LRRC4C: variants seen among roughly 807,000 people sequenced by gnomAD.
LRRC4C encodes leucine-rich repeat-containing protein 4C.
LRRC4C carries 5 observed loss-of-function variants against 33.6 expected under a neutral mutation model. That is an observed-to-expected ratio of 0.15 (90% CI 0.08 to 0.31). The LOEUF is 0.31. Among genes scored for constraint, LRRC4C ranks in the 10% least tolerant of loss-of-function variants. The pLI is 1.00. For synonymous variants in LRRC4C, 329 were observed against 302.0 expected (o/e 1.09, Z -0.93); for missense variants, 560 against 796.7 (o/e 0.70, Z 3.58).
intron 3 of LRRC4C, among the ~76,000 whole-genome samples, chr11:40,443,473 G>A (rs1209873260): frequency 6.6e-5 from 10 of 152,088 alleles, no homozygotes; most frequent in Non-Finnish European, 1.0e-4. Context: ...CTAGTTATTT[G>A]CATATCATCA....
chr11:40,776,456 T>G (rs1950000588), intron 2 of LRRC4C, among the ~76,000 whole-genome samples: 1 of 152,124 alleles, frequency 6.6e-6, no homozygotes, highest in Middle Eastern at 3.2e-3. Flanking sequence ...GATTTAATCT[T>G]GTGAGGTTGT....
At chr11:40,624,246 A>T (rs1466682555) in intron 3 of LRRC4C, among the ~76,000 whole-genome samples, 1 of 152,126 alleles carries the variant, frequency 6.6e-6, no homozygotes, top group East Asian at 1.9e-4. Context: ...TTGACCTTAG[A>T]TTAATTTAGT....
At chr11:40,862,660 T>C (rs1340113570) in intron 2 of LRRC4C, among the ~76,000 whole-genome samples, 1 of 152,204 alleles carries the variant, frequency 6.6e-6, no homozygotes, top group Non-Finnish European at 1.5e-5. Flanking sequence ...GTTCTCTATA[T>C]TACAAATTGG....
chr11:40,583,971 CT>C (rs1430008608), intron 3 of LRRC4C, among the ~76,000 whole-genome samples: 1 of 151,494 alleles, frequency 6.6e-6, no homozygotes, highest in Non-Finnish European at 1.5e-5. Flanking sequence ...GTTAAAGTTA[CT>C]GACAAAACAA....
intron 1 of LRRC4C, among the ~76,000 whole-genome samples, chr11:41,098,210 A>T (rs1270658021): frequency 1.3e-5 from 2 of 152,122 alleles, no homozygotes; most frequent in African/African-American, 4.8e-5. Flanking sequence ...GCATATGATT[A>T]TGGCCATGAA....
chr11:40,484,147 A>G (rs1953735130), intron 3 of LRRC4C, among the ~76,000 whole-genome samples: 1 of 152,136 alleles, frequency 6.6e-6, no homozygotes, highest in South Asian at 2.1e-4. Context: ...TAGTGTTCGC[A>G]AATGTTTTGA....
At chr11:40,824,751 T>C (rs1317388279) in intron 2 of LRRC4C, among the ~76,000 whole-genome samples, 1 of 151,942 alleles carries the variant, frequency 6.6e-6, no homozygotes, top group Non-Finnish European at 1.5e-5. Context: ...AGAGTAAAAT[T>C]GCCACCAGTC....
rs367607614 is a variant in LRRC4C, at chr11:40,236,371, T to C, written c.-96+5148A>G. 1.1e-3 allele frequency among the ~76,000 whole-genome samples: 164 copies of C among 152,342 alleles called. 1 individual carries two copies. Among genetic ancestry groups the C allele is most frequent in the South Asian group, 0.011 (51 of 4,828 alleles). On this transcript the variant is annotated intron_variant, in intron 5 of 6. Coordinates refer to ENST00000528697, the MANE Select transcript of LRRC4C (RefSeq NM_001258419.2). ...CTCTGTAATTATTATTTTCCTCATA[T>C]GACTGCATAGTTCCCATGGAAGCAA...
chr11:41,317,321 A>T (rs530200892), intron 1 of LRRC4C, among the ~76,000 whole-genome samples: 3 of 152,016 alleles, frequency 2.0e-5, no homozygotes, highest in African/African-American at 7.2e-5. Context: ...TTAAAATGAG[A>T]TTATGCATTT....
intron 2 of LRRC4C, among the ~76,000 whole-genome samples, chr11:40,710,960 G>A (rs909802735): frequency 6.6e-6 from 1 of 151,978 alleles, no homozygotes; most frequent in Non-Finnish European, 1.5e-5. Context: ...TCTGAGACTA[G>A]CAGTGGGCAA....
intron 1 of LRRC4C, among the ~76,000 whole-genome samples, chr11:41,408,607 T>C (rs1029361898): frequency 5.3e-5 from 8 of 152,090 alleles, no homozygotes; most frequent in Admixed American, 6.5e-5. Flanking sequence ...AGCCAATTTA[T>C]GATGTTAAAA....
At chr11:40,900,331 G>T (rs1208633439) in intron 2 of LRRC4C, among the ~76,000 whole-genome samples, 2 of 152,036 alleles carry the variant, frequency 1.3e-5, no homozygotes, top group Non-Finnish European at 2.9e-5. Flanking sequence ...GGAATAAGAT[G>T]ATCCAGGATC....
At chr11:40,433,992 C>T (rs1951040436) in intron 3 of LRRC4C, among the ~76,000 whole-genome samples, 1 of 152,158 alleles carries the variant, frequency 6.6e-6, no homozygotes, top group South Asian at 2.1e-4. Context: ...AATGGGAAGA[C>T]TGTGTTCAGG....
chr11:41,229,257 A>C (rs1295314149), intron 1 of LRRC4C, among the ~76,000 whole-genome samples: 1 of 152,116 alleles, frequency 6.6e-6, no homozygotes, highest in African/African-American at 2.4e-5. Flanking sequence ...AGGCCATGTG[A>C]GGATGTAGAA....
intron 1 of LRRC4C, among the ~76,000 whole-genome samples, chr11:40,994,972 G>C (rs1853861497): frequency 6.6e-6 from 1 of 152,084 alleles, no homozygotes; most frequent in East Asian, 1.9e-4. Flanking sequence ...ACACAGACAC[G>C]CAGCAAAAAT....
chr11:40,216,496 A>G (rs1439311750), intron 5 of LRRC4C, among the ~76,000 whole-genome samples: 1 of 152,154 alleles, frequency 6.6e-6, no homozygotes, highest in Non-Finnish European at 1.5e-5. Context: ...TATTTCTTCC[A>G]GATGGAAGAC....
intron 2 of LRRC4C, among the ~76,000 whole-genome samples, chr11:40,821,653 T>A (rs570235250): frequency 3.3e-5 from 5 of 151,562 alleles, no homozygotes; most frequent in Non-Finnish European, 5.9e-5. Context: ...TTGTAAAAAT[T>A]AATAAATAAA....
chr11:40,233,473 T>A (rs1215365502), intron 5 of LRRC4C, among the ~76,000 whole-genome samples: 1 of 152,172 alleles, frequency 6.6e-6, no homozygotes, highest in Non-Finnish European at 1.5e-5. Flanking sequence ...AATCAGCTGA[T>A]CAAATACAGT....
intron 1 of LRRC4C, among the ~76,000 whole-genome samples, chr11:41,184,315 T>G (rs1945591858): frequency 6.6e-6 from 1 of 152,062 alleles, no homozygotes; most frequent in African/African-American, 2.4e-5. Context: ...ATGCTCCACT[T>G]CCTTTATAAA....
Sources: allele counts gnomAD v4.1 joint callset (sites outside exome capture counted in the v4.1 genomes callset), GRCh38; gene constraint gnomAD v4.1.1; transcripts MANE v1.5; gene names NCBI Gene and HGNC (gene_info 2026-07-23, HGNC 2026-07-21).